Variants in SDK2 observed in about 807,000 individuals in gnomAD.
The protein encoded by SDK2 is sidekick cell adhesion molecule 2.
A neutral mutation model predicts 253.9 loss-of-function variants in SDK2; 105 were observed. The observed-to-expected ratio is 0.41, with a 90% CI of 0.35 to 0.49. The LOEUF is 0.49. Among genes scored for constraint, SDK2 ranks in the 20% least tolerant of loss-of-function variants. The probability of loss-of-function intolerance (pLI) is 0.06; values close to 1 mark genes in which losing one functional copy is unlikely to be tolerated. For missense variants in SDK2, 2,608 were observed against 3,003.0 expected, an observed-to-expected ratio of 0.87 and a Z score of 3.07; for synonymous variants, 1,249 against 1,234.9, an observed-to-expected ratio of 1.01 and a Z score of -0.24.
chr17:73,433,229 G>A (rs1321711980), intron 10 of SDK2, among the ~76,000 whole-genome samples: 1 of 152,112 alleles, frequency 6.6e-6, no homozygotes, highest in East Asian at 1.9e-4. Flanking sequence ...AGGGTGGCAG[G>A]TCTTGGAAGA....
intron 27 of SDK2, among the ~76,000 whole-genome samples, chr17:73,392,294 G>A (rs1042571691): frequency 3.3e-5 from 5 of 149,668 alleles, no homozygotes; most frequent in East Asian, 2.0e-4. Context: ...TTTTAATACC[G>A]AGTCTCGCTC....
intron 1 of SDK2, among the ~76,000 whole-genome samples, chr17:73,522,616 C>T (rs1446926853): frequency 6.6e-6 from 1 of 152,218 alleles, no homozygotes; most frequent in Non-Finnish European, 1.5e-5. Context: ...TCTGCTACCG[C>T]CTCCTGATGG....
At position 73,462,212 on chromosome 17, in the gene SDK2, T is replaced by C. The variant is rs113932602; in HGVS notation, c.332-6159A>G. 7.8e-3 allele frequency among the ~76,000 whole-genome samples: 1,182 copies of C among 152,214 alleles called. 17 individuals are homozygous for C. Among genetic ancestry groups the C allele is most frequent in the African/African-American group, 0.027 (1,110 of 41,508 alleles). On this transcript the variant is annotated intron_variant, in intron 3 of 44. Transcript: ENST00000392650. ...GGATGGTTGTATGTATGTACAAGTG[T>C]CTATGGTGGGATAGATGGTTGTATG...
chr17:73,447,967 A>G lies in SDK2; in HGVS notation c.480-219T>C, dbSNP rs1452844054. ...ACACGGTGCTGATGCTGTCAACCAG[A>G]CCCAGAGACAGCACGTTCATGCCCA... On this transcript the variant is annotated intron_variant, in intron 4 of 44. Coordinates refer to ENST00000392650, the MANE Select transcript of SDK2 (RefSeq NM_001144952.2). This position sits in a 1 kb window ranked among gnomAD's most constrained non-coding sequence, Gnocchi z 4.0. 6.6e-6 allele frequency among the ~76,000 whole-genome samples: 1 copy of G among 151,946 alleles called. No homozygotes were observed. Among genetic ancestry groups the G allele is most frequent in the Non-Finnish European group, 1.5e-5 (1 of 67,980 alleles).
chr17:73,607,645 G>A (rs1372560717), intron 1 of SDK2, among the ~76,000 whole-genome samples: 2 of 152,026 alleles, frequency 1.3e-5, no homozygotes, highest in African/African-American at 4.8e-5. Context: ...CAGCATTGAG[G>A]GCAGCCAGAT....
intron 2 of SDK2, among the ~76,000 whole-genome samples, chr17:73,483,683 T>TG (rs1491378286): frequency 6.0e-4 from 25 of 41,552 alleles, no homozygotes; most frequent in African/African-American, 2.2e-3. Context: ...ATATATATAT[T>TG]TATATATATA....
At chr17:73,440,029 A>T (rs2063402326) in intron 6 of SDK2, among the ~76,000 whole-genome samples, 1 of 151,306 alleles carries the variant, frequency 6.6e-6, no homozygotes, top group Non-Finnish European at 1.5e-5. Flanking sequence ...CCTGTGTGGG[A>T]GAGGTGAGGG....
rs1321046119 is a variant in SDK2, at chr17:73,379,401, G to C, written c.4864+47C>G. 1.3e-6 allele frequency: 2 copies of C among 1,539,320 alleles called. No homozygotes were observed. The highest frequency in any genetic ancestry group is 2.3e-5 in the East Asian group (1 of 44,128). ...CCGTTTCTTCCAGCTGAACTGGGTG[G>C]GGCTGGGAAAGGCATGCTGGGGCCG... is the stretch of plus-strand genomic sequence containing the variant. On this transcript the variant is annotated intron_variant, in intron 35 of 44. Coordinates refer to ENST00000392650, the MANE Select transcript of SDK2 (RefSeq NM_001144952.2). This position sits in a 1 kb window ranked among gnomAD's most constrained non-coding sequence, Gnocchi z 4.5.
rs758302541 is a variant in SDK2, at chr17:73,338,792, C to G, written c.6314G>C (p.Ser2105Thr). The G allele has an allele frequency of 6.2e-7, 1 of 1,613,934 alleles. No homozygotes were observed. The highest frequency in any genetic ancestry group is 8.5e-7 in the Non-Finnish European group (1 of 1,179,896). ...SRAQAYSYTESDSGEPDHTTV... is the reference protein window; with the variant it reads ...SRAQAYSYTETDSGEPDHTTV... The stretch of plus-strand genomic sequence containing the variant: ...GGTGTGGTCTGGCTCACCCGAGTCG[C>G]TCTCCGTGTAGCTGTAGGCCTGTGC... Residue 2105 changes from serine (S) to threonine (T), a missense_variant, in exon 45 of 45, where the codon AGC becomes ACC. Transcript: ENST00000392650. This position sits in a 1 kb window ranked among gnomAD's most constrained non-coding sequence, Gnocchi z 5.0.
At chr17:73,484,349 C>T (rs1216114710) in intron 2 of SDK2, among the ~76,000 whole-genome samples, 1 of 152,212 alleles carries the variant, frequency 6.6e-6, no homozygotes, top group Non-Finnish European at 1.5e-5. Flanking sequence ...CCCCATGGAC[C>T]CACTTCTCCG....
intron 1 of SDK2, among the ~76,000 whole-genome samples, chr17:73,512,742 T>C (rs114334510): frequency 1.3e-5 from 2 of 152,300 alleles, no homozygotes; most frequent in African/African-American, 4.8e-5. Context: ...AAACAGTGCC[T>C]TCTTGTAAAA....
chr17:73,537,281 C>T (rs1305671377), intron 1 of SDK2, among the ~76,000 whole-genome samples: 1 of 152,168 alleles, frequency 6.6e-6, no homozygotes, highest in Non-Finnish European at 1.5e-5. Flanking sequence ...CAAATGGCCG[C>T]GTCTGTTAAC....
intron 1 of SDK2, chr17:73,517,274 C>T (rs2064036866): frequency 6.6e-6 from 1 of 152,182 alleles, no homozygotes; most frequent in Non-Finnish European, 1.5e-5. Context: ...ATGTCTCCCC[C>T]AAATTCATGT....
chr17:73,636,737 A>C (rs2046337040), intron 1 of SDK2, among the ~76,000 whole-genome samples: 1 of 150,266 alleles, frequency 6.7e-6, no homozygotes, highest in East Asian at 2.0e-4. Flanking sequence ...AGGTGAGAAG[A>C]TGTGGAAGAT....
intron 1 of SDK2, among the ~76,000 whole-genome samples, chr17:73,569,942 G>C (rs1259668477): frequency 2.6e-5 from 4 of 152,114 alleles, no homozygotes; most frequent in African/African-American, 9.7e-5. Flanking sequence ...CGGCCGAGGA[G>C]CCTCTCTGCA....
intron 1 of SDK2, among the ~76,000 whole-genome samples, chr17:73,592,938 C>G (rs577305997): frequency 6.6e-6 from 1 of 151,946 alleles, no homozygotes; most frequent in Non-Finnish European, 1.5e-5. Flanking sequence ...GTGTTTGCAG[C>G]GCATGGGGGT....
At chr17:73,494,427 C>T (rs2063827866) in intron 2 of SDK2, among the ~76,000 whole-genome samples, 1 of 152,164 alleles carries the variant, frequency 6.6e-6, no homozygotes, top group Admixed American at 6.5e-5. Context: ...AGCGAGGCCA[C>T]ACCCATCGTC....
intron 1 of SDK2, among the ~76,000 whole-genome samples, chr17:73,633,191 GGGA>G (rs2046290472): frequency 6.6e-6 from 1 of 152,112 alleles, no homozygotes; most frequent in African/African-American, 2.4e-5. Context: ...AGGCTGATGT[GGGA>G]GGATCGCTTG....
intron 1 of SDK2, among the ~76,000 whole-genome samples, chr17:73,620,756 G>A (rs2046123096): frequency 6.6e-6 from 1 of 152,214 alleles, no homozygotes; most frequent in South Asian, 2.1e-4. Flanking sequence ...AAAGAAGCCA[G>A]ATACAAAAGG....
Sources: allele counts gnomAD v4.1 joint callset (sites outside exome capture counted in the v4.1 genomes callset), GRCh38; gene constraint gnomAD v4.1.1; non-coding constraint Gnocchi (gnomAD v3.1); transcripts MANE v1.5; gene names NCBI Gene and HGNC (gene_info 2026-07-23, HGNC 2026-07-21).